PRELID2: variants seen among roughly 807,000 people sequenced by gnomAD.
The protein encoded by PRELID2 is PRELI domain-containing protein 2.
In PRELID2, 25 loss-of-function variants were observed where a neutral mutation model predicts 28.4. The ratio of observed to expected loss-of-function variants is 0.88; its 90% confidence interval spans 0.64 to 1.23. The LOEUF is 1.23. Among genes scored for constraint, PRELID2 ranks in the 50% most tolerant of loss-of-function variants. PRELID2 has a pLI of 0.00. For missense variants in PRELID2, 201 were observed against 214.4 expected (o/e 0.94, Z 0.39); for synonymous variants, 76 against 71.6 (o/e 1.06, Z -0.31).
the PRELID2 span, among the ~76,000 whole-genome samples, chr5:145,232,735 T>C: frequency 2.6e-5 from 4 of 152,154 alleles, no homozygotes; most frequent in Middle Eastern, 6.3e-3. Context: ...GACTCAGAAG[T>C]CTCAGAAGAC....
the PRELID2 span, among the ~76,000 whole-genome samples, chr5:145,395,543 T>C: frequency 3.3e-5 from 5 of 152,184 alleles, no homozygotes; most frequent in Non-Finnish European, 7.4e-5. Context: ...TCAACCAGAC[T>C]TTTAATTTAT....
the PRELID2 span, among the ~76,000 whole-genome samples, chr5:145,317,593 TG>T: frequency 1.6e-4 from 25 of 152,234 alleles, no homozygotes; most frequent in Non-Finnish European, 2.9e-4. Flanking sequence ...ACAGAGAAAC[TG>T]GCACAAGACT....
chr5:145,354,021 A>AG, the PRELID2 span, among the ~76,000 whole-genome samples: 1 of 152,214 alleles, frequency 6.6e-6, no homozygotes, highest in Non-Finnish European at 1.5e-5. Flanking sequence ...CAGAAGTTCA[A>AG]GTCCCTGGAA....
chr5:145,658,700 C>T (rs2149675684), intron 1 of PRELID2, among the ~76,000 whole-genome samples: 1 of 152,294 alleles, frequency 6.6e-6, no homozygotes, highest in East Asian at 1.9e-4. Context: ...GAAGCAGAGC[C>T]AATGCTGCTG....
chr5:145,773,900 C>G (rs192090486), intron 5 of PRELID2, among the ~76,000 whole-genome samples: 11 of 152,340 alleles, frequency 7.2e-5, no homozygotes, highest in Admixed American at 1.3e-4. Flanking sequence ...ATAAATAAAT[C>G]TAACAGCTGC....
At chr5:145,653,012 C>T (rs1581029575) in intron 1 of PRELID2, among the ~76,000 whole-genome samples, 2 of 152,128 alleles carry the variant, frequency 1.3e-5, no homozygotes, top group East Asian at 3.8e-4. Context: ...ACCCATCTCA[C>T]ATGCAGAGAC....
chr5:145,407,454 G>C, the PRELID2 span, among the ~76,000 whole-genome samples: 6,505 of 152,128 alleles, frequency 0.043, 184 homozygotes, highest in Non-Finnish European at 0.061. Context: ...GCCACAACAA[G>C]CCTCACCTAA....
the PRELID2 span, among the ~76,000 whole-genome samples, chr5:145,400,722 G>A: frequency 6.6e-6 from 1 of 152,108 alleles, no homozygotes; most frequent in African/African-American, 2.4e-5. Context: ...TGGACCATCT[G>A]ATGCTAGAGA....
intron 1 of PRELID2, among the ~76,000 whole-genome samples, chr5:145,655,530 C>T (rs10054314): frequency 0.017 from 2,560 of 152,142 alleles, 70 homozygotes; most frequent in African/African-American, 0.058. Context: ...CAAAACAGCA[C>T]GGTACTGGTA....
At chr5:145,629,824 T>C (rs952266465) in intron 1 of PRELID2, among the ~76,000 whole-genome samples, 4 of 147,548 alleles carry the variant, frequency 2.7e-5, no homozygotes, top group African/African-American at 8.1e-5. Flanking sequence ...TTTTTAAAAT[T>C]CTTGCAATAA....
At chr5:145,386,802 T>C in the PRELID2 span, among the ~76,000 whole-genome samples, 3 of 152,342 alleles carry the variant, frequency 2.0e-5, no homozygotes, top group South Asian at 6.2e-4. Flanking sequence ...AAATGAGCAC[T>C]TGATATGGTC....
intron 5 of PRELID2, among the ~76,000 whole-genome samples, chr5:145,782,539 C>T (rs1045530261): frequency 9.2e-5 from 14 of 152,158 alleles, no homozygotes; most frequent in African/African-American, 3.4e-4. Flanking sequence ...ATCTGGTCTT[C>T]CCCAAAGTTT....
At chr5:145,518,669 T>G (rs1055005377) in intron 1 of PRELID2, among the ~76,000 whole-genome samples, 1 of 152,214 alleles carries the variant, frequency 6.6e-6, no homozygotes, top group African/African-American at 2.4e-5. Flanking sequence ...TTTAGTGATA[T>G]CTCTGCTGTG....
chr5:145,403,423 G>T, the PRELID2 span, among the ~76,000 whole-genome samples: 1 of 152,162 alleles, frequency 6.6e-6, no homozygotes. Flanking sequence ...AAGAAGACGG[G>T]GGCAAATGCT....
intron 1 of PRELID2, among the ~76,000 whole-genome samples, chr5:145,747,009 A>C (rs997496470): frequency 2.6e-5 from 4 of 152,200 alleles, no homozygotes; most frequent in Non-Finnish European, 5.9e-5. Context: ...AATGAACCAG[A>C]ATCTCTGGGA....
chr5:145,604,616 C>G (rs1753468993), intron 1 of PRELID2, among the ~76,000 whole-genome samples: 2 of 151,654 alleles, frequency 1.3e-5, no homozygotes, highest in South Asian at 4.2e-4. Flanking sequence ...ATTGCTGGGT[C>G]AAGTGGTAGT....
the PRELID2 span, among the ~76,000 whole-genome samples, chr5:145,458,115 T>C: frequency 2.0e-5 from 3 of 152,242 alleles, no homozygotes; most frequent in Non-Finnish European, 4.4e-5. Flanking sequence ...TGAACAATTA[T>C]GCATTAGTTC....
intron 1 of PRELID2, among the ~76,000 whole-genome samples, chr5:145,705,183 C>A (rs930773704): frequency 5.3e-5 from 8 of 151,818 alleles, no homozygotes; most frequent in African/African-American, 1.9e-4. Context: ...CAGATCTGAA[C>A]CCAAAAAGTA....
At chr5:145,333,441 G>T in the PRELID2 span, among the ~76,000 whole-genome samples, 1 of 152,208 alleles carries the variant, frequency 6.6e-6, no homozygotes, top group East Asian at 1.9e-4. Context: ...GACTGGGGCT[G>T]CTGCCTTTCT....
Sources: gnomAD v4.1 joint callset for allele counts (sites outside exome capture counted in the v4.1 genomes callset) on GRCh38, gnomAD v4.1.1 for gene constraint, MANE v1.5 for transcripts, NCBI Gene and HGNC (gene_info 2026-07-23, HGNC 2026-07-21) for gene names.